NETO1: variants seen among roughly 807,000 people sequenced by gnomAD.
NETO1 encodes neuropilin and tolloid like 1, also known as neuropilin and tolloid-like protein 1.
NETO1 carries 26 observed loss-of-function variants against 61.3 expected under a neutral mutation model. The ratio of observed to expected loss-of-function variants is 0.42; its 90% CI spans 0.31 to 0.59. The LOEUF is 0.59. Among genes scored for constraint, NETO1 ranks in the 20% least tolerant of loss-of-function variants. NETO1 has a pLI of 0.12. For missense variants in NETO1, 531 were observed against 662.8 expected (o/e 0.80, Z 2.18); for synonymous variants, 225 against 225.8 (o/e 1.00, Z 0.03).
At chr18:72,857,281 T>C (rs1026899235) in intron 4 of NETO1, among the ~76,000 whole-genome samples, 1 of 152,240 alleles carries the variant, frequency 6.6e-6, no homozygotes, top group Non-Finnish European at 1.5e-5. Flanking sequence ...AATCTCATTC[T>C]ATAAATGCAG....
intron 8 of NETO1, among the ~76,000 whole-genome samples, chr18:72,751,515 T>C (rs1348559905): frequency 6.6e-6 from 1 of 152,158 alleles, no homozygotes; most frequent in Non-Finnish European, 1.5e-5. Flanking sequence ...ACCAGGTCCA[T>C]GTTGGACATG....
At chr18:72,791,439 C>A (rs768959779) in intron 6 of NETO1, among the ~76,000 whole-genome samples, 2 of 152,210 alleles carry the variant, frequency 1.3e-5, no homozygotes, top group Non-Finnish European at 2.9e-5. Context: ...CCAGTCCGTG[C>A]TTTTCTCCAC....
intron 7 of NETO1, among the ~76,000 whole-genome samples, chr18:72,778,064 G>A (rs1304814401): frequency 6.6e-6 from 1 of 152,208 alleles, no homozygotes; most frequent in African/African-American, 2.4e-5. Flanking sequence ...TCCACTTGGT[G>A]CAGTGAGGAA....
intron 6 of NETO1, among the ~76,000 whole-genome samples, chr18:72,791,110 T>A (rs2072100432): frequency 6.6e-6 from 1 of 152,202 alleles, no homozygotes; most frequent in African/African-American, 2.4e-5. Flanking sequence ...TGCCTCTGGT[T>A]TTCCGAATTC....
intron 4 of NETO1, among the ~76,000 whole-genome samples, chr18:72,807,970 G>A (rs1012965250): frequency 3.3e-5 from 5 of 152,022 alleles, no homozygotes; most frequent in African/African-American, 7.2e-5. Flanking sequence ...AAGAATACAT[G>A]AGCCCATCTC....
intron 4 of NETO1, among the ~76,000 whole-genome samples, chr18:72,814,841 T>C (rs1051884776): frequency 6.6e-6 from 1 of 151,936 alleles, no homozygotes; most frequent in African/African-American, 2.4e-5. Context: ...CCTAATAACA[T>C]AGGTACAATG....
chr18:72,750,257 G>T lies in NETO1; in HGVS notation c.1346C>A (p.Thr449Lys), dbSNP rs2070550312. Reference protein sequence around the residue: ...STKGSRSNLSTRDASILTEMP... With the variant: ...STKGSRSNLSKRDASILTEMP... ...CTCTGTCAAGATAGAAGCATCTCTT[G>T]TGCTGAGGTTACTGCGGCTGCCTTT... The change falls in exon 9 of 11, where the codon ACA (threonine) becomes AAA (lysine). Residue 449 changes from threonine (T) to lysine (K), a missense_variant. Transcript: ENST00000327305. 2 of 1,614,104 alleles carry T rather than the reference G, an allele frequency of 1.2e-6. No individual in the cohort carries two copies. Among genetic ancestry groups the T allele is most frequent in the Non-Finnish European group, 1.7e-6 (2 of 1,179,998 alleles).
chr18:72,861,729 T>G (rs1414920939), intron 3 of NETO1, among the ~76,000 whole-genome samples: 3 of 152,238 alleles, frequency 2.0e-5, no homozygotes, highest in Non-Finnish European at 2.9e-5. Flanking sequence ...TCTAGAAATC[T>G]GACCACTTAT....
At position 72,858,958 on chromosome 18, in the gene NETO1, T is replaced by C. The variant is rs201454268; in HGVS notation, c.337A>G (p.Ile113Val). Reference sequence around the variant, plus strand: ...TGTTGTCCACAGAAACGTCCAATTATTGGAGAAAAGCCAAAAGGTCCATCT... The same window carrying C: ...TGTTGTCCACAGAAACGTCCAATTACTGGAGAAAAGCCAAAAGGTCCATCT... ...VRDGPFGFSP[I>V]IGRFCGQQNP... The change falls in exon 4 of 11, where the codon ATA (isoleucine) becomes GTA (valine). Residue 113 changes from isoleucine to valine, a missense_variant. Coordinates refer to ENST00000327305, the MANE Select transcript of NETO1 (RefSeq NM_138966.5). The C allele has an allele frequency of 2.5e-5, 41 of 1,613,960 alleles. No individual in the cohort carries two copies. In the East Asian group the frequency reaches 8.5e-4, roughly 33 times the overall value.
At chr18:72,783,577 C>A in intron 7 of NETO1, 101 bp downstream of exon 7, 1 of 927,520 alleles carries the variant, frequency 1.1e-6, no homozygotes. Context: ...AGAGAATAGC[C>A]TGCTGTGCTC....
chr18:72,766,295 C>T (rs925912148), intron 7 of NETO1, among the ~76,000 whole-genome samples: 3 of 150,440 alleles, frequency 2.0e-5, no homozygotes, highest in Non-Finnish European at 3.0e-5. Flanking sequence ...GTACTCTACA[C>T]AAACAAAAAT....
At chr18:72,820,798 G>C (rs2145291618) in intron 4 of NETO1, among the ~76,000 whole-genome samples, 1 of 152,232 alleles carries the variant, frequency 6.6e-6, no homozygotes, top group South Asian at 2.1e-4. Flanking sequence ...CATGCCTTCG[G>C]ACTCAAACTG....
intron 10 of NETO1, among the ~76,000 whole-genome samples, chr18:72,748,662 A>G (rs2070487480): frequency 6.6e-6 from 1 of 152,036 alleles, no homozygotes. Context: ...TGAATATTCT[A>G]TTTTCTTAGT....
intron 4 of NETO1, chr18:72,834,554 A>T: frequency 2.0e-6 from 2 of 977,716 alleles, no homozygotes; most frequent in Non-Finnish European, 1.2e-6. Context: ...AAGCAATGAA[A>T]ATCATGTAGT....
intron 4 of NETO1, among the ~76,000 whole-genome samples, chr18:72,831,398 C>A (rs996179157): frequency 6.6e-6 from 1 of 152,146 alleles, no homozygotes; most frequent in African/African-American, 2.4e-5. Flanking sequence ...CTCAAAGGTA[C>A]CTCAAATGAA....
chr18:72,834,877 A>T, intron 4 of NETO1: 2 of 888,454 alleles, frequency 2.3e-6, no homozygotes, highest in Non-Finnish European at 2.7e-6. Flanking sequence ...TACAAGAATA[A>T]ATTATCGAAA....
At chr18:72,827,708 C>A (rs1205824176) in intron 4 of NETO1, among the ~76,000 whole-genome samples, 2 of 141,616 alleles carry the variant, frequency 1.4e-5, no homozygotes, top group African/African-American at 5.3e-5. Flanking sequence ...CAAAGTGAGA[C>A]CCTGTCTCAA....
chr18:72,859,058 G>T lies in NETO1; in HGVS notation c.237C>A (p.Cys79Ter). The T allele has an allele frequency of 6.2e-7, 1 of 1,612,852 alleles. No individual in the cohort carries two copies. The highest frequency in any genetic ancestry group is 8.5e-7 in the Non-Finnish European group (1 of 1,179,478). ...IYIIEAAPRQ[C>*]IELYFDEKYS... Reference sequence around the variant, plus strand: ...ACTTTTCATCAAAGTAAAGTTCAATGCACTGTCTTGGAGCGGCTGTAAAGA... The same window carrying T: ...ACTTTTCATCAAAGTAAAGTTCAATTCACTGTCTTGGAGCGGCTGTAAAGA... Residue 79 changes from cysteine to a stop codon, truncating the protein, a stop_gained, in exon 4 of 11, where the codon TGC becomes TGA. Transcript: ENST00000327305. LOFTEE classifies it high-confidence loss of function.
chr18:72,761,898 A>G (rs190854269), intron 7 of NETO1, among the ~76,000 whole-genome samples: 2 of 152,320 alleles, frequency 1.3e-5, no homozygotes, highest in East Asian at 3.9e-4. Flanking sequence ...GAAATATGGT[A>G]TGTTAGTTTT....
Sources: allele counts gnomAD v4.1 joint callset (sites outside exome capture counted in the v4.1 genomes callset), GRCh38; gene constraint gnomAD v4.1.1; transcripts MANE v1.5; gene names NCBI Gene and HGNC (gene_info 2026-07-23, HGNC 2026-07-21).